Variants in STARD13 observed in about 807,000 individuals in gnomAD.
STARD13 encodes the protein stAR-related lipid transfer protein 13.
In STARD13, 62 loss-of-function variants were observed where a neutral mutation model predicts 106.4. The observed-to-expected ratio is 0.58, with a 90% CI of 0.48 to 0.72. The LOEUF (loss-of-function observed/expected upper bound fraction) is 0.72. STARD13 is among the 30% of genes least tolerant of loss of function. The probability of loss-of-function intolerance (pLI) is 0.00; values close to 1 mark genes in which losing one functional copy is unlikely to be tolerated. For missense variants in STARD13, 1,387 were observed against 1,424.0 expected (o/e 0.97, Z 0.42); for synonymous variants, 565 against 553.0 (o/e 1.02, Z -0.31).
the STARD13 span, among the ~76,000 whole-genome samples, chr13:33,426,467 C>T: frequency 2.6e-5 from 4 of 152,098 alleles, no homozygotes; most frequent in East Asian, 1.9e-4. Context: ...TTCTAATTCC[C>T]CCTTACCTCC....
the STARD13 span, among the ~76,000 whole-genome samples, chr13:33,523,164 A>C: frequency 2.0e-5 from 3 of 152,054 alleles, no homozygotes; most frequent in African/African-American, 4.8e-5. Flanking sequence ...AGGAAGTCCC[A>C]GGAGGAGGTT....
At chr13:33,378,685 G>A in the STARD13 span, among the ~76,000 whole-genome samples, 3 of 151,872 alleles carry the variant, frequency 2.0e-5, no homozygotes, top group Admixed American at 2.0e-4. Flanking sequence ...AGCTACTTGG[G>A]AGGCTGAGGC....
At chr13:33,303,280 C>A (rs979772520) in intron 1 of STARD13, among the ~76,000 whole-genome samples, 1 of 152,106 alleles carries the variant, frequency 6.6e-6, no homozygotes, top group Non-Finnish European at 1.5e-5. Context: ...CCACAATATC[C>A]CACGCACATC....
At chr13:33,150,524 A>C (rs1881136159) in intron 3 of STARD13, among the ~76,000 whole-genome samples, 1 of 152,204 alleles carries the variant, frequency 6.6e-6, no homozygotes, top group Non-Finnish European at 1.5e-5. Flanking sequence ...CTGTCTACTT[A>C]AGAAAAATTT....
chr13:33,453,245 A>G, the STARD13 span, among the ~76,000 whole-genome samples: 7 of 152,252 alleles, frequency 4.6e-5, 1 homozygote, highest in African/African-American at 1.7e-4. Flanking sequence ...CAAAAACAAC[A>G]ACAAAACATG....
rs375463402 is a variant in STARD13, at chr13:33,266,222, G to A, written c.169+19248C>T. Among the ~76,000 whole-genome samples the A allele has an allele frequency of 9.2e-5, 14 of 152,140 alleles. 1 individual carries two copies. Among genetic ancestry groups the A allele is most frequent in the Admixed American group, 4.6e-4 (7 of 15,280 alleles). On this transcript the variant is annotated intron_variant, in intron 1 of 13. Transcript: ENST00000336934. ...GTGACTTTAACCTCTCTGGGTTTTC[G>A]TTTCTTAATCTTTAAAATGGGAACA... is the stretch of plus-strand genomic sequence containing the variant.
At chr13:33,320,405 T>G (rs2138526994) in intron 1 of STARD13, among the ~76,000 whole-genome samples, 1 of 152,258 alleles carries the variant, frequency 6.6e-6, no homozygotes. Flanking sequence ...TGTGGAGGGA[T>G]TAGCTAACTA....
chr13:33,216,101 T>G (rs1466745852), intron 1 of STARD13, among the ~76,000 whole-genome samples: 1 of 152,132 alleles, frequency 6.6e-6, no homozygotes, highest in Non-Finnish European at 1.5e-5. Flanking sequence ...AGGGAACACT[T>G]TTATGCTGCT....
intron 1 of STARD13, among the ~76,000 whole-genome samples, chr13:33,297,325 T>C (rs1024563113): frequency 1.3e-5 from 2 of 152,220 alleles, no homozygotes; most frequent in African/African-American, 4.8e-5. Flanking sequence ...AGAGAATATT[T>C]ACTGAGCACC....
the STARD13 span, among the ~76,000 whole-genome samples, chr13:33,642,312 G>A: frequency 2.0e-5 from 3 of 152,230 alleles, no homozygotes; most frequent in Admixed American, 2.0e-4. Context: ...GATCAGCAAT[G>A]CAGACAGAAG....
At chr13:33,244,457 C>T (rs907898272) in intron 1 of STARD13, among the ~76,000 whole-genome samples, 2 of 152,188 alleles carry the variant, frequency 1.3e-5, no homozygotes, top group South Asian at 2.1e-4. Flanking sequence ...ACTACTGCTG[C>T]GATAATTCCT....
At chr13:33,471,414 C>T in the STARD13 span, among the ~76,000 whole-genome samples, 3 of 152,168 alleles carry the variant, frequency 2.0e-5, no homozygotes, top group Admixed American at 6.6e-5. Context: ...AATGCTTAAT[C>T]CTCAGCTTCT....
the STARD13 span, among the ~76,000 whole-genome samples, chr13:33,675,305 A>T: frequency 6.6e-6 from 1 of 152,222 alleles, no homozygotes; most frequent in Admixed American, 6.5e-5. Flanking sequence ...GTGCGCAGCT[A>T]ATCAGTCATG....
chr13:33,118,530 T>C (rs1054632091), intron 7 of STARD13, among the ~76,000 whole-genome samples: 8 of 152,266 alleles, frequency 5.3e-5, no homozygotes, highest in African/African-American at 1.9e-4. Context: ...TTACATCTTA[T>C]CACACTGCAG....
the STARD13 span, among the ~76,000 whole-genome samples, chr13:33,653,455 CT>C: frequency 6.6e-6 from 1 of 152,186 alleles, no homozygotes; most frequent in African/African-American, 2.4e-5. Flanking sequence ...ACAAATGATG[CT>C]GAGACAACTG....
At chr13:33,636,547 G>A in the STARD13 span, among the ~76,000 whole-genome samples, 1 of 152,176 alleles carries the variant, frequency 6.6e-6, no homozygotes, top group South Asian at 2.1e-4. Flanking sequence ...GACTATTCAA[G>A]AAACTGAAAT....
chr13:33,404,230 T>G, the STARD13 span, among the ~76,000 whole-genome samples: 9 of 152,204 alleles, frequency 5.9e-5, no homozygotes, highest in Non-Finnish European at 1.3e-4. Context: ...AAGAAGCAGA[T>G]TCAAAGAGGT....
At chr13:33,421,783 G>A in the STARD13 span, among the ~76,000 whole-genome samples, 1 of 152,158 alleles carries the variant, frequency 6.6e-6, no homozygotes, top group Non-Finnish European at 1.5e-5. Flanking sequence ...ATGCAAGGCT[G>A]GTTCAACATA....
At chr13:33,589,071 T>C in the STARD13 span, among the ~76,000 whole-genome samples, 2 of 152,236 alleles carry the variant, frequency 1.3e-5, no homozygotes, top group Non-Finnish European at 2.9e-5. Flanking sequence ...CATTTACACA[T>C]TAGTATCATC....
Sources: gnomAD v4.1 joint callset for allele counts (sites outside exome capture counted in the v4.1 genomes callset) on GRCh38, gnomAD v4.1.1 for gene constraint, MANE v1.5 for transcripts, NCBI Gene and HGNC (gene_info 2026-07-23, HGNC 2026-07-21) for gene names.